Variants in EVC2 observed in about 807,000 individuals in gnomAD.
The protein encoded by EVC2 is EvC ciliary complex subunit 2.
Under a neutral mutation model 149.3 loss-of-function variants are expected in EVC2, and 148 were observed. The observed-to-expected ratio is 0.99, with a 90% CI of 0.87 to 1.14. The LOEUF (loss-of-function observed/expected upper bound fraction) is 1.14, where lower values mean the gene tolerates loss of function less well. EVC2 is among the 50% of genes most tolerant of loss of function. EVC2 has a pLI of 0.00. For synonymous variants in EVC2, 776 were observed against 649.9 expected, an observed-to-expected ratio of 1.19 and a Z score of -2.95; for missense variants, 1,854 against 1,627.3, an observed-to-expected ratio of 1.14 and a Z score of -2.40.
chr4:5,650,379 G>C (rs1293524241), intron 9 of EVC2, among the ~76,000 whole-genome samples: 1 of 151,668 alleles, frequency 6.6e-6, no homozygotes, highest in Non-Finnish European at 1.5e-5. Flanking sequence ...ACTTTTCCTG[G>C]GTGATATTTC....
chr4:5,546,600 G>T (rs914273400), intron 21 of EVC2, among the ~76,000 whole-genome samples: 5 of 151,962 alleles, frequency 3.3e-5, no homozygotes, highest in African/African-American at 1.2e-4. Context: ...AGCATTAGGA[G>T]ATATACCTAA....
intron 16 of EVC2, among the ~76,000 whole-genome samples, chr4:5,596,505 T>C (rs1461836281): frequency 6.6e-6 from 1 of 152,114 alleles, no homozygotes; most frequent in Non-Finnish European, 1.5e-5. Context: ...GAAATAAAGA[T>C]GTTCTTTGAA....
chr4:5,540,644 T>C (rs148596126), downstream of EVC2, among the ~76,000 whole-genome samples: 1 of 152,264 alleles, frequency 6.6e-6, no homozygotes, highest in African/African-American at 2.4e-5. Flanking sequence ...AGCTGTTACC[T>C]GGGTGTGGGC....
At chr4:5,615,310 T>G in intron 16 of EVC2, 112 bp downstream of exon 16, 3 of 1,547,978 alleles carry the variant, frequency 1.9e-6, no homozygotes, top group Non-Finnish European at 2.6e-6. Flanking sequence ...AGCGGTTGGG[T>G]GGAGATGGAT....
chr4:5,562,736 T>C lies in EVC2; in HGVS notation c.*112A>G. The C allele has an allele frequency of 6.3e-7, 1 of 1,593,500 alleles. No individual in the cohort carries two copies. The highest frequency in any genetic ancestry group is 1.3e-5 in the African/African-American group (1 of 74,804). On this transcript the variant is annotated 3_prime_UTR_variant, in exon 22 of 22. Transcript: ENST00000344408. This position sits in a 1 kb window ranked among gnomAD's most constrained non-coding sequence, Gnocchi z 4.3. ...CATGCGCTACGGGGTCTGTGCCTTC[T>C]GCATGTGCAATTTATATTTGCGAGT...
intron 9 of EVC2, among the ~76,000 whole-genome samples, chr4:5,653,959 A>T (rs1718324816): frequency 6.6e-6 from 1 of 152,200 alleles, no homozygotes; most frequent in African/African-American, 2.4e-5. Flanking sequence ...CATGCCTGTA[A>T]TCCCAGCACT....
At chr4:5,650,007 A>G (rs1717996622) in intron 9 of EVC2, among the ~76,000 whole-genome samples, 2 of 152,194 alleles carry the variant, frequency 1.3e-5, no homozygotes, top group South Asian at 4.1e-4. Flanking sequence ...ACAAACCATT[A>G]AATTTCTAGT....
intron 9 of EVC2, among the ~76,000 whole-genome samples, chr4:5,649,025 A>G (rs563406662): frequency 1.3e-5 from 2 of 152,312 alleles, no homozygotes; most frequent in African/African-American, 4.8e-5. Flanking sequence ...GCCATTTTTA[A>G]TTATTCAGAC....
chr4:5,623,020 G>T, intron 13 of EVC2, 29 bp from the exon 14 acceptor site: 1 of 1,610,402 alleles, frequency 6.2e-7, no homozygotes, highest in East Asian at 2.2e-5. Flanking sequence ...AAATTAAGTG[G>T]GGGTGGGGCT....
intron 16 of EVC2, among the ~76,000 whole-genome samples, chr4:5,596,772 A>T (rs943851647): frequency 2.6e-5 from 4 of 152,218 alleles, no homozygotes; most frequent in African/African-American, 9.6e-5. Context: ...AAAATCAATG[A>T]ATCCAAGGTT....
chr4:5,591,452 A>G (rs1480622226), intron 16 of EVC2, among the ~76,000 whole-genome samples: 1 of 152,150 alleles, frequency 6.6e-6, no homozygotes, highest in African/African-American at 2.4e-5. Flanking sequence ...TGTGGTCTCC[A>G]TCTTCCCCTC....
At chr4:5,562,355 C>CACCA (rs2108764369), downstream of EVC2, 2 of 781,342 alleles carry the variant, frequency 2.6e-6, no homozygotes, top group South Asian at 1.1e-4. The surrounding 1 kb of genome is among the most constrained non-coding windows in gnomAD (Gnocchi z 4.3). Flanking sequence ...CTCTATTGAA[C>CACCA]ACCACACAGG....
Position 5,563,012 on chromosome 4 carries a change from C to A in EVC2, c.3763G>T (p.Val1255Leu). 6.2e-7 allele frequency: 1 copy of A among 1,614,230 alleles called. No individual in the cohort carries two copies. Among genetic ancestry groups the A allele is most frequent in the African/African-American group, 1.3e-5 (1 of 75,068 alleles). ...ATGGTTTCTGCCCCTACAATGGGTA[C>A]AGGGGCCAGTTCGCCAATGGGCTCC... ...SLEPIGELAP[V>L]PIVGAETIDL... is the part of the protein sequence containing the mutation. The change falls in exon 22 of 22, where the codon GTA becomes TTA. Residue 1255 changes from valine (V) to leucine (L), a missense_variant. Val to Leu is a conservative substitution (Grantham distance 32, BLOSUM62 1). Transcript: ENST00000344408.
chr4:5,536,581 G>A, the EVC2 span, among the ~76,000 whole-genome samples: 73 of 152,182 alleles, frequency 4.8e-4, no homozygotes, highest in Admixed American at 9.8e-4. Context: ...TCAGGAGATC[G>A]AGACCATCTT....
At chr4:5,695,896 A>G (rs1202306303) in intron 2 of EVC2, among the ~76,000 whole-genome samples, 1 of 152,224 alleles carries the variant, frequency 6.6e-6, no homozygotes, top group African/African-American at 2.4e-5. Flanking sequence ...TGATTAAAAA[A>G]AGATGTGGAG....
chr4:5,672,901 A>G (rs1719739944), intron 7 of EVC2, among the ~76,000 whole-genome samples: 1 of 152,204 alleles, frequency 6.6e-6, no homozygotes, highest in African/African-American at 2.4e-5. Context: ...ACACAAAAGG[A>G]CACGTACTGT....
At chr4:5,692,019 A>G (rs1200888883) in intron 3 of EVC2, among the ~76,000 whole-genome samples, 1 of 152,014 alleles carries the variant, frequency 6.6e-6, no homozygotes, top group Non-Finnish European at 1.5e-5. Context: ...ATGGGACTGG[A>G]CCCTTACTGC....
At chr4:5,656,898 A>G (rs1718556253) in intron 9 of EVC2, among the ~76,000 whole-genome samples, 1 of 152,174 alleles carries the variant, frequency 6.6e-6, no homozygotes, top group African/African-American at 2.4e-5. Flanking sequence ...TCACCTGGAA[A>G]AGCTCTCCAG....
At chr4:5,698,301 C>A (rs1041314284) in intron 1 of EVC2, among the ~76,000 whole-genome samples, 9 of 152,046 alleles carry the variant, frequency 5.9e-5, no homozygotes, top group Non-Finnish European at 1.0e-4. Context: ...CAACAGCCTG[C>A]GAATTCCCAA....
Sources: gnomAD v4.1 joint callset for allele counts (sites outside exome capture counted in the v4.1 genomes callset) on GRCh38, gnomAD v4.1.1 for gene constraint, Gnocchi (gnomAD v3.1) non-coding constraint, MANE v1.5 for transcripts, NCBI Gene and HGNC (gene_info 2026-07-23, HGNC 2026-07-21) for gene names.